KIR2DL1: variants seen among roughly 807,000 people sequenced by gnomAD.
KIR2DL1 encodes killer cell immunoglobulin-like receptor 2DL1.
Under a neutral mutation model 33.9 loss-of-function variants are expected in KIR2DL1, and 38 were observed. The ratio of observed to expected loss-of-function variants is 1.12; its 90% CI spans 0.86 to 1.47. The LOEUF is 1.47. Among genes scored for constraint, KIR2DL1 ranks in the 40% most tolerant of loss-of-function variants. KIR2DL1 has a pLI of 0.00. For missense variants in KIR2DL1, 531 were observed against 433.9 expected (o/e 1.22, Z -1.99); for synonymous variants, 179 against 165.9 (o/e 1.08, Z -0.61).
chr19:54,770,349 A>G (rs1191416996), intron 1 of KIR2DL1, among the ~76,000 whole-genome samples: 1 of 117,144 alleles, frequency 8.5e-6, no homozygotes, highest in African/African-American at 3.3e-5. Flanking sequence ...ATGGGCCAGG[A>G]GTGGAGATAT....
In KIR2DL1 at chr19:54,780,606, T is replaced by G. The variant is rs1280058043; in HGVS notation, c.715+1944T>G. On this transcript the variant is annotated intron_variant, in intron 5 of 7. Transcript: ENST00000336077. ...AATAAGGGAGGCCCAGGTGCATAAC[T>G]GGAATCTAGGAGACCGTGGAAAAGG... Among the ~76,000 whole-genome samples the G allele has an allele frequency of 1.4e-5, 2 of 144,116 alleles. 1 individual carries two copies. Among genetic ancestry groups the G allele is most frequent in the African/African-American group, 5.2e-5 (2 of 38,572 alleles). The allele number at this position is 144,116 out of a possible 152,430, so 94.5% of individuals were successfully genotyped here. A position where few individuals can be genotyped will look rare whatever the true frequency, so the allele number is the denominator to read the frequency against.
At chr19:54,773,102 G>C (rs1230491027) in intron 2 of KIR2DL1, among the ~76,000 whole-genome samples, 1 of 147,790 alleles carries the variant, frequency 6.8e-6, no homozygotes, top group Non-Finnish European at 1.5e-5. Context: ...AGATGAGGCT[G>C]AGCCCAGCGG....
At position 54,783,872 on chromosome 19, in the gene KIR2DL1, C is replaced by A. The variant is rs550508161; in HGVS notation, c.*59C>A. 156 of 1,608,978 alleles carry A rather than the reference C, an allele frequency of 9.7e-5. 1 individual carries two copies. Among genetic ancestry groups the A allele is most frequent in the Non-Finnish European group, 1.2e-4 (146 of 1,176,926 alleles). ...GGAGACAACAGCCCTGTCTCAAAAC[C>A]GGGTTGCCAGCTCCCATGTACCAGC... On this transcript the variant is annotated 3_prime_UTR_variant, in exon 8 of 8. Transcript: ENST00000336077.
chr19:54,783,467 T>A lies in KIR2DL1; in HGVS notation c.818-19T>A. ...AGAAGTGCCCTCCGAGCTGTTTTGT[T>A]GACTTCCATCTTCTACAGATGCTGC... On this transcript the variant is annotated intron_variant, in intron 6 of 7. Transcript: ENST00000336077. 1 of 1,612,074 alleles carries A rather than the reference T, an allele frequency of 6.2e-7. No homozygotes were observed. Among genetic ancestry groups the A allele is most frequent in the Non-Finnish European group, 8.5e-7 (1 of 1,178,446 alleles).
chr19:54,783,552 G>T lies in KIR2DL1; in HGVS notation c.870+14G>T, dbSNP rs377017185. ...GCGAATAGCGAGGTAGGTACTCCTC[G>T]GCCCGGGCTCGTGGCTACTGTTATT... On this transcript the variant is annotated intron_variant, in intron 7 of 7. Coordinates refer to ENST00000336077, the MANE Select transcript of KIR2DL1 (RefSeq NM_014218.3). 99 of 1,613,828 alleles carry T rather than the reference G, an allele frequency of 6.1e-5. No individual in the cohort carries two copies. In the South Asian group the frequency reaches 1.0e-3, roughly 17 times the overall value.
At chr19:54,777,292 T>C (rs1157687071) in intron 4 of KIR2DL1, among the ~76,000 whole-genome samples, 6 of 148,646 alleles carry the variant, frequency 4.0e-5, no homozygotes, top group African/African-American at 1.5e-4. Context: ...CGTTTCTCTA[T>C]GTGGGTCAGA....
At chr19:54,771,482 C>G (rs1451721437) in intron 2 of KIR2DL1, among the ~76,000 whole-genome samples, 1 of 147,484 alleles carries the variant, frequency 6.8e-6, no homozygotes, top group Non-Finnish European at 1.5e-5. Flanking sequence ...TGGGTCCTTC[C>G]TTTAGCCCTG....
chr19:54,775,838 A>G (rs551786682), intron 4 of KIR2DL1, among the ~76,000 whole-genome samples: 5 of 148,588 alleles, frequency 3.4e-5, no homozygotes, highest in African/African-American at 1.2e-4. Flanking sequence ...TACACCCTTT[A>G]CTTTTCTTTG....
intron 4 of KIR2DL1, 55 bp from the exon 5 acceptor site, chr19:54,778,557 T>G (rs1161789574): frequency 1.4e-6 from 2 of 1,451,496 alleles, no homozygotes; most frequent in Admixed American, 1.8e-5. Flanking sequence ...AGATTTCCAC[T>G]GAGTGGAGGA....
intron 5 of KIR2DL1, among the ~76,000 whole-genome samples, chr19:54,781,669 T>A (rs1429889455): frequency 1.3e-5 from 2 of 151,966 alleles, no homozygotes. Context: ...GCCTCTCGGG[T>A]AGAACAGCAG....
Position 54,783,829 on chromosome 19 carries a change from C to T in KIR2DL1, c.*16C>T, listed in dbSNP as rs549088759. 3.7e-6 allele frequency: 6 copies of T among 1,613,922 alleles called. No homozygotes were observed. The highest frequency in any genetic ancestry group is 5.1e-6 in the Non-Finnish European group (6 of 1,179,936). On this transcript the variant is annotated 3_prime_UTR_variant, in exon 8 of 8. Transcript: ENST00000336077. ...CTGCCCATGAGCACCACAGTCAGGC[C>T]TTGAGGGCGTCTTCTAGGGAGACAA... is the stretch of plus-strand genomic sequence containing the variant.
chr19:54,772,553 A>G (rs1430812906), intron 2 of KIR2DL1, among the ~76,000 whole-genome samples: 2 of 145,682 alleles, frequency 1.4e-5, no homozygotes, highest in African/African-American at 5.1e-5. Flanking sequence ...AAACAACACA[A>G]GGATAGCCAG....
intron 2 of KIR2DL1, among the ~76,000 whole-genome samples, chr19:54,771,611 G>C (rs535527227): frequency 6.8e-6 from 1 of 147,778 alleles, no homozygotes; most frequent in Non-Finnish European, 1.5e-5. Flanking sequence ...TTCTCCCCAC[G>C]GTGGTCAGGA....
In KIR2DL1 at chr19:54,781,775, G is replaced by A. The variant is rs779444960; in HGVS notation, c.716-1147G>A. Among the ~76,000 whole-genome samples the A allele has an allele frequency of 1.3e-3, 202 of 152,170 alleles. 1 individual carries two copies. The highest frequency in any genetic ancestry group is 3.4e-3 in the Middle Eastern group (1 of 294). ...GTTTGACATAAGAGAATTCTATTTCGCTTTTTTTATCTTGATTTCACTTTT... is the reference window on the plus strand; with the variant it reads ...GTTTGACATAAGAGAATTCTATTTCACTTTTTTTATCTTGATTTCACTTTT... On this transcript the variant is annotated intron_variant, in intron 5 of 7. Transcript: ENST00000336077.
intron 2 of KIR2DL1, among the ~76,000 whole-genome samples, chr19:54,772,498 G>C (rs2075853963): frequency 6.9e-6 from 1 of 145,868 alleles, no homozygotes; most frequent in Non-Finnish European, 1.5e-5. Flanking sequence ...TTCTACAGCA[G>C]CAACAGGAAA....
chr19:54,774,630 T>G lies in KIR2DL1; in HGVS notation c.371-535T>G, dbSNP rs2076118502. Among the ~76,000 whole-genome samples the G allele has an allele frequency of 5.2e-5, 5 of 96,892 alleles. No homozygotes were observed. The Admixed American group carries it at 5.9e-4, about 11-fold the overall frequency. 63.6% of individuals were successfully genotyped at this position (96,892 alleles called of 152,430 possible). A position where few individuals can be genotyped will look rare whatever the true frequency, so the allele number is the denominator to read the frequency against. ...TAGAGATGATGATGATGAAGACAGA[T>G]AGATAGATAATACATAGAGATACAG... On this transcript the variant is annotated intron_variant, in intron 3 of 7. Coordinates refer to ENST00000336077, the MANE Select transcript of KIR2DL1 (RefSeq NM_014218.3).
chr19:54,772,848 A>C (rs1471391037), intron 2 of KIR2DL1, among the ~76,000 whole-genome samples: 2 of 145,262 alleles, frequency 1.4e-5, no homozygotes, highest in African/African-American at 5.0e-5. Flanking sequence ...ACCAGGAGCC[A>C]GCCTATGGAA....
At chr19:54,781,138 C>A (rs2076880810) in intron 5 of KIR2DL1, among the ~76,000 whole-genome samples, 1 of 98,380 alleles carries the variant, frequency 1.0e-5, no homozygotes, top group Non-Finnish European at 2.1e-5. Flanking sequence ...GATTGCATCA[C>A]TGCACTCCAG....
chr19:54,777,718 G>C (rs4806558), intron 4 of KIR2DL1, among the ~76,000 whole-genome samples: 35,999 of 119,840 alleles, frequency 0.3, 5,018 homozygotes, highest in South Asian at 0.43. Flanking sequence ...CTTGTGTTTT[G>C]AAGGTTTAAA....
Sources: gnomAD v4.1 joint callset for allele counts (sites outside exome capture counted in the v4.1 genomes callset) on GRCh38, gnomAD v4.1.1 for gene constraint, MANE v1.5 for transcripts, NCBI Gene and HGNC (gene_info 2026-07-23, HGNC 2026-07-21) for gene names.